The following IFT88 variants were observed in gnomAD, a reference collection of about 807,000 sequenced individuals.
The protein encoded by IFT88 is intraflagellar transport protein 88 homolog.
IFT88 carries 74 observed loss-of-function variants against 119.5 expected under a neutral mutation model. The observed-to-expected ratio is 0.62, with a 90% CI of 0.51 to 0.75. The LOEUF is 0.75. Ranked by LOEUF, IFT88 falls within the 30% of genes least tolerant of loss-of-function variation. The probability of loss-of-function intolerance (pLI) is 0.00; values close to 1 mark genes in which losing one functional copy is unlikely to be tolerated. For missense variants in IFT88, 961 were observed against 977.7 expected (o/e 0.98, Z 0.23); for synonymous variants, 279 against 316.7 (o/e 0.88, Z 1.26).
intron 12 of IFT88, among the ~76,000 whole-genome samples, chr13:20,602,665 G>C (rs2042805132): frequency 6.6e-6 from 1 of 152,140 alleles, no homozygotes; most frequent in Non-Finnish European, 1.5e-5. Context: ...TGGGCAGATT[G>C]CGAGGTCAGT....
rs1293111587 is a variant in IFT88, at chr13:20,644,877, T to C, written c.1868T>C (p.Ile623Thr). The change falls in exon 20 of 26, where the codon ATT becomes ACT. Residue 623 changes from isoleucine to threonine, a missense_variant. Ile to Thr is a moderately conservative substitution (Grantham distance 89). Transcript: ENST00000351808. Reference sequence around the variant, plus strand: ...TATTTTCCTTGTAATATTGAAGTCATTGAGTGGCTTGGAGCCTATTACATT... The same window carrying C: ...TATTTTCCTTGTAATATTGAAGTCACTGAGTGGCTTGGAGCCTATTACATT... ...YRYFPCNIEV[I>T]EWLGAYYIDT... 8 of 1,595,220 alleles carry C rather than the reference T, an allele frequency of 5.0e-6. No individual in the cohort carries two copies. Among genetic ancestry groups the C allele is most frequent in the African/African-American group, 1.3e-5 (1 of 74,530 alleles).
chr13:20,570,933 A>G (rs2036231257), intron 1 of IFT88, among the ~76,000 whole-genome samples: 1 of 152,076 alleles, frequency 6.6e-6, no homozygotes, highest in African/African-American at 2.4e-5. Flanking sequence ...AGCCACATAT[A>G]TGTGGTATTA....
chr13:20,589,127 TTGGG>T (rs2040230292), intron 3 of IFT88, among the ~76,000 whole-genome samples: 1 of 152,196 alleles, frequency 6.6e-6, no homozygotes, highest in African/African-American at 2.4e-5. Context: ...CACTGTCTTG[TTGGG>T]TCTCTAATGT....
chr13:20,654,794 A>T (rs1271961242), intron 21 of IFT88, among the ~76,000 whole-genome samples: 1 of 152,240 alleles, frequency 6.6e-6, no homozygotes, highest in African/African-American at 2.4e-5. Flanking sequence ...TTCAATTTAT[A>T]TCAACATGAG....
intron 9 of IFT88, among the ~76,000 whole-genome samples, chr13:20,598,130 T>C (rs1425437961): frequency 1.3e-5 from 2 of 152,162 alleles, no homozygotes; most frequent in African/African-American, 4.8e-5. Context: ...TGCTTACTGT[T>C]TATAGCTGAT....
chr13:20,582,755 G>A (rs576707586), intron 2 of IFT88, among the ~76,000 whole-genome samples: 1 of 152,266 alleles, frequency 6.6e-6, no homozygotes, highest in Admixed American at 6.5e-5. Flanking sequence ...TAACATGACC[G>A]GTACTCCTCA....
chr13:20,646,226 C>A (rs111274612), intron 20 of IFT88, among the ~76,000 whole-genome samples: 124 of 152,246 alleles, frequency 8.1e-4, no homozygotes, highest in African/African-American at 2.9e-3. Context: ...TTGATCTTTA[C>A]CCTCTCTGTA....
rs138827474 is a variant in IFT88 at position 20,568,739 on chromosome 13, A to T, written c.-7+1483A>T. ...TAATACCTTTTTTTTTCTTTTTGAGACGGAGTCGCACGCTCTGTTGCCCAG... is the reference window on the plus strand; with the variant it reads ...TAATACCTTTTTTTTTCTTTTTGAGTCGGAGTCGCACGCTCTGTTGCCCAG... On this transcript the variant is annotated intron_variant, in intron 1 of 25. Transcript: ENST00000351808. Among the ~76,000 whole-genome samples the T allele has an allele frequency of 3.1e-3, 465 of 151,876 alleles. 1 individual carries two copies. The highest frequency in any genetic ancestry group is 0.011 in the African/African-American group (452 of 41,406).
chr13:20,642,499 G>C (rs1207954091), intron 18 of IFT88: 2 of 152,376 alleles, frequency 1.3e-5, no homozygotes, highest in Non-Finnish European at 2.9e-5. Context: ...AGTTACTCCC[G>C]AGGCTGAGGC....
chr13:20,617,649 C>T (rs1473333521), intron 14 of IFT88, among the ~76,000 whole-genome samples: 3 of 152,184 alleles, frequency 2.0e-5, no homozygotes, highest in Non-Finnish European at 2.9e-5. Context: ...AACTCTTTTG[C>T]TCAACTTAGT....
intron 17 of IFT88, among the ~76,000 whole-genome samples, chr13:20,639,361 A>G (rs925323887): frequency 6.6e-6 from 1 of 152,196 alleles, no homozygotes; most frequent in Non-Finnish European, 1.5e-5. Context: ...ACTCTGCTAT[A>G]GGGCATCTGT....
chr13:20,631,532 C>G (rs2048206709), intron 16 of IFT88: 1 of 157,766 alleles, frequency 6.3e-6, no homozygotes, highest in African/African-American at 2.4e-5. Context: ...TAAAAGCTCC[C>G]TAAAGGGGAG....
At chr13:20,580,724 C>CTTTTTT (rs1162699940) in intron 2 of IFT88, among the ~76,000 whole-genome samples, 42 of 122,710 alleles carry the variant, frequency 3.4e-4, no homozygotes, top group South Asian at 5.1e-4. Flanking sequence ...TTTCTTTTTT[C>CTTTTTT]TTTTTTTTTT....
chr13:20,676,697 T>C (rs1216828420), intron 24 of IFT88, among the ~76,000 whole-genome samples: 1 of 152,236 alleles, frequency 6.6e-6, no homozygotes, highest in African/African-American at 2.4e-5. Flanking sequence ...AGTTACCAAT[T>C]TGGAAAGCTG....
chr13:20,655,758 T>G (rs1190322229), intron 21 of IFT88, among the ~76,000 whole-genome samples: 1 of 152,102 alleles, frequency 6.6e-6, no homozygotes, highest in Non-Finnish European at 1.5e-5. Context: ...CCTCCCAAAA[T>G]GCTGGGATTA....
chr13:20,647,746 A>G (rs939244777), intron 20 of IFT88, among the ~76,000 whole-genome samples: 1 of 152,192 alleles, frequency 6.6e-6, no homozygotes, highest in African/African-American at 2.4e-5. Flanking sequence ...GGGAATTCCA[A>G]AAGGGGAAGA....
chr13:20,682,254 G>A (rs1594908132), intron 24 of IFT88, among the ~76,000 whole-genome samples: 1 of 152,162 alleles, frequency 6.6e-6, no homozygotes, highest in African/African-American at 2.4e-5. Flanking sequence ...CCTGCTCTTG[G>A]ACAATAACAC....
At chr13:20,592,478 T>A (rs1158608952) in intron 7 of IFT88, 74 bp downstream of exon 7, 5 of 1,211,032 alleles carry the variant, frequency 4.1e-6, no homozygotes, top group Non-Finnish European at 5.8e-6. Flanking sequence ...AATACACAAT[T>A]TTTTTTTTTG....
At chr13:20,652,046 A>C (rs1286537342) in intron 20 of IFT88, among the ~76,000 whole-genome samples, 1 of 152,166 alleles carries the variant, frequency 6.6e-6, no homozygotes, top group African/African-American at 2.4e-5. Context: ...AGTAGATCAG[A>C]AGTTATTGGG....
Sources: allele counts gnomAD v4.1 joint callset (sites outside exome capture counted in the v4.1 genomes callset), GRCh38; gene constraint gnomAD v4.1.1; transcripts MANE v1.5; gene names NCBI Gene and HGNC (gene_info 2026-07-23, HGNC 2026-07-21).